Variants in RPAP2 observed in about 807,000 individuals in gnomAD.
RPAP2 encodes the protein putative RNA polymerase II subunit B1 CTD phosphatase RPAP2.
RPAP2 carries 52 observed loss-of-function variants against 73.1 expected under a neutral mutation model. The observed-to-expected ratio is 0.71, with a 90% CI of 0.57 to 0.90. RPAP2 has a LOEUF of 0.90. Among genes scored for constraint, RPAP2 ranks in the 40% least tolerant of loss-of-function variants. RPAP2 has a pLI of 0.00. For missense variants in RPAP2, 598 were observed against 701.8 expected (o/e 0.85, Z 1.67); for synonymous variants, 225 against 242.1 (o/e 0.93, Z 0.65).
rs1270222938 is a variant in RPAP2 at position 92,333,410 on chromosome 1, T to C, written c.1475T>C (p.Leu492Pro). The change falls in exon 9 of 13, where the codon CTG (leucine) becomes CCG (proline). Residue 492 changes from leucine to proline, a missense_variant. Coordinates refer to ENST00000610020, the MANE Select transcript of RPAP2 (RefSeq NM_024813.3). ...ATTCAGCATGATTCCACCTTTCCAC[T>C]GATAGACTCAAGTTCCCAGAACCAG... The part of the protein sequence containing the change: ...DSEEHDSTFP[L>P]IDSSSQNQIR... 1 of 1,613,512 alleles carries C rather than the reference T, an allele frequency of 6.2e-7. No homozygotes were observed. Among genetic ancestry groups the C allele is most frequent in the Admixed American group, 1.7e-5 (1 of 60,022 alleles).
chr1:92,315,049 C>CATAA (rs1197942640), intron 6 of RPAP2, among the ~76,000 whole-genome samples: 1 of 150,890 alleles, frequency 6.6e-6, no homozygotes, highest in African/African-American at 2.4e-5. Context: ...GTCTCAAAAT[C>CATAA]ATAAATAAAT....
Position 92,321,820 on chromosome 1 carries a change from A to G in RPAP2, c.524+1186A>G, listed in dbSNP as rs61779188. Among the ~76,000 whole-genome samples the G allele has an allele frequency of 9.5e-3, 1,442 of 152,054 alleles. 10 individuals carry two copies. The highest frequency in any genetic ancestry group is 0.015 in the Non-Finnish European group (1,021 of 67,990). On this transcript the variant is annotated intron_variant, in intron 7 of 12. Transcript: ENST00000610020. ...ATTTTCATTCTGTAGAATTTTCTGT[A>G]CAACAATCAACCAGAATTAGAAAAT...
In RPAP2 at chr1:92,389,418, A is replaced by G. The variant is rs983376056; in HGVS notation, c.*2407A>G. On this transcript the variant is annotated 3_prime_UTR_variant, in exon 13 of 13. Coordinates refer to ENST00000610020, the MANE Select transcript of RPAP2 (RefSeq NM_024813.3). The stretch of plus-strand genomic sequence containing the variant: ...CAACATCAGAGACCAAAGGTAGGTA[A>G]AACCACAAAGATGGGGAGAAACCAG... 7 of 152,244 alleles carry G rather than the reference A, an allele frequency of 4.6e-5. No homozygotes were observed. The highest frequency in any genetic ancestry group is 1.7e-4 in the African/African-American group (7 of 41,462). The allele number at this position is 152,244 out of a possible 1,614,324, so 9.4% of individuals were successfully genotyped here.
intron 9 of RPAP2, among the ~76,000 whole-genome samples, chr1:92,336,056 A>G (rs1183212491): frequency 6.6e-6 from 1 of 152,162 alleles, no homozygotes; most frequent in African/African-American, 2.4e-5. Context: ...TTGGTCTAAT[A>G]TTTGAAAATA....
intron 10 of RPAP2, among the ~76,000 whole-genome samples, chr1:92,338,691 C>T (rs570931424): frequency 2.0e-5 from 3 of 148,068 alleles, no homozygotes; most frequent in South Asian, 2.1e-4. Flanking sequence ...TGCTCAGTTG[C>T]CCAGGCTGGA....
At position 92,393,680 on chromosome 1, in the gene RPAP2, A is replaced by T. The variant is rs1054205097; in HGVS notation, c.*6669A>T. On this transcript the variant is annotated 3_prime_UTR_variant, in exon 13 of 13. Coordinates refer to ENST00000610020, the MANE Select transcript of RPAP2 (RefSeq NM_024813.3). ...AAATGGGCAAAGGATATGAACAGAT[A>T]CTTCTCAAAAGAAGACATTTATGCA... The T allele has an allele frequency of 7.9e-5, 12 of 152,254 alleles. No individual in the cohort carries two copies. Among genetic ancestry groups the T allele is most frequent in the Non-Finnish European group, 1.8e-4 (12 of 68,042 alleles). The allele number at this position is 152,254 out of a possible 1,614,324, so 9.4% of individuals were successfully genotyped here. A position where few individuals can be genotyped will look rare whatever the true frequency, so the allele number is the denominator to read the frequency against.
intron 10 of RPAP2, among the ~76,000 whole-genome samples, chr1:92,340,650 C>G (rs1299318779): frequency 6.6e-6 from 1 of 151,282 alleles, no homozygotes; most frequent in Non-Finnish European, 1.5e-5. Flanking sequence ...TTCTAAAAGC[C>G]CCCCTTAGAT....
intron 12 of RPAP2, among the ~76,000 whole-genome samples, chr1:92,385,516 A>G (rs979688052): frequency 6.6e-6 from 1 of 152,230 alleles, no homozygotes; most frequent in Non-Finnish European, 1.5e-5. Context: ...TGAGAAATGA[A>G]GATGGTTGTG....
rs573975404 is a variant in RPAP2 at position 92,339,626 on chromosome 1, G to GT, written c.1619+3207dup. ...TCTATTGTAGTGATTCTTCACAGTT[G>GT]TTTTTTTTCTCCTACATCTAAGGAC... On this transcript the variant is annotated intron_variant, in intron 10 of 12. Transcript: ENST00000610020. Among the ~76,000 whole-genome samples, 386 of 151,556 alleles carry GT rather than the reference G, an allele frequency of 2.5e-3. 3 individuals carry two copies. Among genetic ancestry groups the GT allele is most frequent in the South Asian group, 9.5e-3 (45 of 4,756 alleles).
chr1:92,321,156 T>TAGTC (rs1221645779), intron 7 of RPAP2, among the ~76,000 whole-genome samples: 9 of 152,348 alleles, frequency 5.9e-5, no homozygotes, highest in South Asian at 2.1e-4. Context: ...TCCTAGTTAA[T>TAGTC]AGTCACTACC....
At chr1:92,383,413 C>T (rs1254469457) in intron 12 of RPAP2, among the ~76,000 whole-genome samples, 3 of 152,170 alleles carry the variant, frequency 2.0e-5, no homozygotes, top group African/African-American at 4.8e-5. Context: ...ATGGAATGTT[C>T]TTCCATTTGT....
At chr1:92,345,598 G>T (rs928124517) in intron 10 of RPAP2, among the ~76,000 whole-genome samples, 2 of 151,926 alleles carry the variant, frequency 1.3e-5, no homozygotes, top group Non-Finnish European at 2.9e-5. Flanking sequence ...TGCTTATCTT[G>T]TCTAGTAGTA....
At chr1:92,311,061 A>T (rs1175100920) in intron 6 of RPAP2, among the ~76,000 whole-genome samples, 1 of 152,166 alleles carries the variant, frequency 6.6e-6, no homozygotes, top group East Asian at 1.9e-4. Flanking sequence ...AATGCCTCTG[A>T]TATTTTCTAC....
intron 10 of RPAP2, among the ~76,000 whole-genome samples, chr1:92,342,656 A>G (rs1045497888): frequency 6.6e-6 from 1 of 152,210 alleles, no homozygotes; most frequent in Non-Finnish European, 1.5e-5. Flanking sequence ...TAATCTAGGT[A>G]AGAAATGGTG....
intron 11 of RPAP2, among the ~76,000 whole-genome samples, chr1:92,353,205 T>C (rs1457677273): frequency 2.0e-5 from 3 of 152,214 alleles, no homozygotes; most frequent in Non-Finnish European, 4.4e-5. Context: ...CTTAGGTATA[T>C]ACCTAGGAGT....
At chr1:92,302,663 G>A (rs1446777983) in intron 3 of RPAP2, among the ~76,000 whole-genome samples, 2 of 137,638 alleles carry the variant, frequency 1.5e-5, no homozygotes, top group African/African-American at 2.7e-5. Context: ...GTGCAGTGGC[G>A]GGATCTCTGC....
At chr1:92,313,864 C>T (rs1196970824) in intron 6 of RPAP2, among the ~76,000 whole-genome samples, 1 of 152,246 alleles carries the variant, frequency 6.6e-6, no homozygotes, top group Non-Finnish European at 1.5e-5. Flanking sequence ...CTTGTGGCTT[C>T]ACCTTGCACT....
At chr1:92,380,095 T>C (rs1329008912) in intron 11 of RPAP2, among the ~76,000 whole-genome samples, 1 of 150,910 alleles carries the variant, frequency 6.6e-6, no homozygotes, top group Non-Finnish European at 1.5e-5. Context: ...CTGGCCAACA[T>C]GGTGAAACCC....
chr1:92,300,106 A>AT, intron 1 of RPAP2, 88 bp from the exon 2 acceptor site: 1 of 853,584 alleles, frequency 1.2e-6, no homozygotes, highest in East Asian at 2.5e-5. Flanking sequence ...AAAATACAGT[A>AT]TTTTAATCTT....
Sources: allele counts gnomAD v4.1 joint callset (sites outside exome capture counted in the v4.1 genomes callset), GRCh38; gene constraint gnomAD v4.1.1; transcripts MANE v1.5; gene names NCBI Gene and HGNC (gene_info 2026-07-23, HGNC 2026-07-21).